Variants in DNASE2B observed in about 807,000 individuals in gnomAD.
The protein encoded by DNASE2B is deoxyribonuclease-2-beta.
Under a neutral mutation model 46.0 loss-of-function variants are expected in DNASE2B, and 43 were observed. The ratio of observed to expected loss-of-function variants is 0.94; its 90% confidence interval spans 0.73 to 1.21. DNASE2B has a LOEUF of 1.21. Ranked by LOEUF, DNASE2B falls within the 50% of genes most tolerant of loss-of-function variation. DNASE2B has a pLI of 0.00. For missense variants in DNASE2B, 395 were observed against 414.4 expected (o/e 0.95, Z 0.41); for synonymous variants, 156 against 152.5 (o/e 1.02, Z -0.17).
intron 2 of DNASE2B, among the ~76,000 whole-genome samples, chr1:84,402,627 T>A (rs376241151): frequency 4.0e-4 from 61 of 152,274 alleles, no homozygotes; most frequent in Non-Finnish European, 7.6e-4. Context: ...CCCTGCTATA[T>A]CTGGACTTTA....
Position 84,412,347 on chromosome 1 carries a change from A to G in DNASE2B, c.548-2A>G. 1 of 1,523,592 alleles carries G rather than the reference A, an allele frequency of 6.6e-7. No homozygotes were observed. Among genetic ancestry groups the G allele is most frequent in the Non-Finnish European group, 8.9e-7 (1 of 1,128,682 alleles). 94.4% of individuals were successfully genotyped at this position (1,523,592 alleles called of 1,614,324 possible). A position where few individuals can be genotyped will look rare whatever the true frequency, so the allele number is the denominator to read the frequency against. On this transcript the variant is annotated splice_acceptor_variant, in intron 4 of 5. Coordinates refer to ENST00000370665, the MANE Select transcript of DNASE2B (RefSeq NM_021233.3). LOFTEE classifies it high-confidence loss of function. ...ACTTTTCTTTACTGTTTCTTGATTC[A>G]GATTCTCAGCTCTTGGTCTGCAACC...
intron 2 of DNASE2B, among the ~76,000 whole-genome samples, chr1:84,407,606 AT>A (rs544631158): frequency 6.6e-6 from 1 of 152,118 alleles, no homozygotes; most frequent in Non-Finnish European, 1.5e-5. Context: ...TGTCACTCAG[AT>A]TTTTTTAATA....
At chr1:84,413,803 C>A (rs367871116) in intron 5 of DNASE2B, among the ~76,000 whole-genome samples, 1 of 152,230 alleles carries the variant, frequency 6.6e-6, no homozygotes, top group African/African-American at 2.4e-5. Flanking sequence ...ATGCCAAACT[C>A]ACTGCGTCAT....
chr1:84,412,635 G>C, intron 5 of DNASE2B, 89 bp downstream of exon 5: 2 of 1,220,010 alleles, frequency 1.6e-6, no homozygotes, highest in East Asian at 5.3e-5. Flanking sequence ...TGAGTATTCA[G>C]AGAAAGAGAG....
Position 84,398,638 on chromosome 1 carries a change from T to C in DNASE2B, c.74T>C (p.Leu25Pro). The change falls in exon 1 of 6, where the codon CTG (leucine) becomes CCG (proline). Residue 25 changes from leucine (L) to proline (P), a missense_variant. By Grantham distance (98) the Leu-to-Pro change is moderately conservative. Coordinates refer to ENST00000370665, the MANE Select transcript of DNASE2B (RefSeq NM_021233.3). ...ALLFLGLFGV[L>P]GAATISCRNE... Reference sequence around the variant, plus strand: ...CTCTTCCTTGGCCTCTTTGGGGTGCTGGGGGCAGCAACAATTTCATGCAGA... The same window carrying C: ...CTCTTCCTTGGCCTCTTTGGGGTGCCGGGGGCAGCAACAATTTCATGCAGA... 6 of 1,613,862 alleles carry C rather than the reference T, an allele frequency of 3.7e-6. No homozygotes were observed. The highest frequency in any genetic ancestry group is 5.1e-6 in the Non-Finnish European group (6 of 1,179,792).
rs763825915 is a variant in DNASE2B at position 84,414,516 on chromosome 1, C to T, written c.746-12C>T. 1 of 1,589,126 alleles carries T rather than the reference C, an allele frequency of 6.3e-7. No individual in the cohort carries two copies. Among genetic ancestry groups the T allele is most frequent in the South Asian group, 1.2e-5 (1 of 85,982 alleles). Reference sequence around the variant, plus strand: ...ATACCAACCTCACTATCTTTCTCCTCCTAAACCCTAGACATCTTTGCAGCC... The same window carrying T: ...ATACCAACCTCACTATCTTTCTCCTTCTAAACCCTAGACATCTTTGCAGCC... On this transcript the variant is annotated splice_polypyrimidine_tract_variant and intron_variant, in intron 5 of 5. Coordinates refer to ENST00000370665, the MANE Select transcript of DNASE2B (RefSeq NM_021233.3).
chr1:84,404,624 T>C (rs1286543376), intron 2 of DNASE2B, among the ~76,000 whole-genome samples: 1 of 152,230 alleles, frequency 6.6e-6, no homozygotes, highest in African/African-American at 2.4e-5. Flanking sequence ...TTGACACCTT[T>C]GGTGTTGAAC....
At chr1:84,412,692 A>G (rs1457484249) in intron 5 of DNASE2B, 146 bp downstream of exon 5, 35 of 811,560 alleles carry the variant, frequency 4.3e-5, no homozygotes, top group Non-Finnish European at 6.1e-5. Context: ...GTCACGGATC[A>G]GTTCAAACAT....
Position 84,402,036 on chromosome 1 carries a change from G to C in DNASE2B, c.261G>C (p.Leu87Phe). 2 of 1,608,810 alleles carry C rather than the reference G, an allele frequency of 1.2e-6. No individual in the cohort carries two copies. The highest frequency in any genetic ancestry group is 4.5e-5 in the East Asian group (2 of 44,628). ...TAATGAATGACACCAAGAGTGTTTT[G>C]GGAAGGACATTACAACAGCTATATG... The part of the protein sequence containing the change: ...EQLMNDTKSV[L>F]GRTLQQLYEA... The change falls in exon 2 of 6, where the codon TTG (leucine) becomes TTC (phenylalanine). Residue 87 changes from leucine (L) to phenylalanine (F), a missense_variant. By Grantham distance (22) the Leu-to-Phe change is conservative (BLOSUM62 0). Transcript: ENST00000370665.
At position 84,414,951 on chromosome 1, in the gene DNASE2B, GCCTGTGAATATACTTATAA is replaced by G. The variant is rs1680669574; in HGVS notation, c.*88_*106del. 1.0e-6 allele frequency: 1 copy of G among 1,002,676 alleles called. No individual in the cohort carries two copies. Among genetic ancestry groups the G allele is most frequent in the South Asian group, 1.7e-5 (1 of 58,654 alleles). The allele number at this position is 1,002,676 out of a possible 1,614,324, so 62.1% of individuals were successfully genotyped here. A position where few individuals can be genotyped will look rare whatever the true frequency, so the allele number is the denominator to read the frequency against. ...ATTACACCTTCTTTATATTTTAAAGGCCTGTGAATATACTTATAACCTGCATATCACAAAATAAAACATT... is the reference window on the plus strand; with the variant it reads ...ATTACACCTTCTTTATATTTTAAAGGCCTGCATATCACAAAATAAAACATT... On this transcript the variant is annotated 3_prime_UTR_variant, in exon 6 of 6. Transcript: ENST00000370665.
chr1:84,400,095 G>A (rs182313709), intron 1 of DNASE2B, among the ~76,000 whole-genome samples: 16 of 152,276 alleles, frequency 1.1e-4, no homozygotes, highest in East Asian at 1.9e-4. Flanking sequence ...TTGGCCAGGC[G>A]TGGTGGCTCA....
intron 4 of DNASE2B, among the ~76,000 whole-genome samples, chr1:84,411,588 A>G (rs989824511): frequency 4.6e-5 from 7 of 152,038 alleles, no homozygotes; most frequent in Admixed American, 2.0e-4. Context: ...GGCCACAAAC[A>G]TGACACCTCT....
At chr1:84,409,244 AC>A (rs1558501893) in intron 3 of DNASE2B, among the ~76,000 whole-genome samples, 2 of 152,156 alleles carry the variant, frequency 1.3e-5, no homozygotes, top group African/African-American at 4.8e-5. Context: ...CTATTTTTCA[AC>A]CTTTTTTCAA....
intron 2 of DNASE2B, among the ~76,000 whole-genome samples, chr1:84,405,026 A>T (rs1680474864): frequency 2.0e-5 from 3 of 152,138 alleles, no homozygotes; most frequent in Non-Finnish European, 1.5e-5. Context: ...TCAGGAAGAA[A>T]TTATTTCCCC....
At chr1:84,413,859 A>G (rs1680644855) in intron 5 of DNASE2B, among the ~76,000 whole-genome samples, 1 of 152,172 alleles carries the variant, frequency 6.6e-6, no homozygotes, top group Non-Finnish European at 1.5e-5. Flanking sequence ...ATAGTTACCC[A>G]GTCACTCCCC....
Position 84,402,007 on chromosome 1 carries a change from C to A in DNASE2B, c.232C>A (p.Gln78Lys). Residue 78 changes from glutamine to lysine, a missense_variant, in exon 2 of 6, where the codon CAA becomes AAA. Physicochemically the swap from Gln to Lys is moderately conservative, Grantham distance 53 (BLOSUM62 1). Coordinates refer to ENST00000370665, the MANE Select transcript of DNASE2B (RefSeq NM_021233.3). ...STTRSWRKSE[Q>K]LMNDTKSVLG... is the part of the protein sequence containing the mutation. ...AACTAGAAGCTGGAGGAAGAGTGAG[C>A]AACTAATGAATGACACCAAGAGTGT... 1 of 1,610,200 alleles carries A rather than the reference C, an allele frequency of 6.2e-7. No individual in the cohort carries two copies. The highest frequency in any genetic ancestry group is 1.3e-5 in the African/African-American group (1 of 74,824).
intron 2 of DNASE2B, 55 bp from the exon 3 acceptor site, chr1:84,408,382 T>C: frequency 6.5e-7 from 1 of 1,548,602 alleles, no homozygotes; most frequent in Admixed American, 1.9e-5. Context: ...AGAAATGTTG[T>C]GGGCGTTTGT....
chr1:84,398,541 G>C lies in DNASE2B; in HGVS notation c.-24G>C, dbSNP rs1680345142. On this transcript the variant is annotated 5_prime_UTR_variant, in exon 1 of 6. Coordinates refer to ENST00000370665, the MANE Select transcript of DNASE2B (RefSeq NM_021233.3). ...TCAGACTCCACAATCTATGGGGAAAGTGTCCTGCTGTGGCATGAAATAAAT... is the reference window on the plus strand; with the variant it reads ...TCAGACTCCACAATCTATGGGGAAACTGTCCTGCTGTGGCATGAAATAAAT... The C allele has an allele frequency of 1.4e-5, 23 of 1,612,852 alleles. No individual in the cohort carries two copies. The highest frequency in any genetic ancestry group is 2.0e-5 in the Non-Finnish European group (23 of 1,179,288).
At chr1:84,411,469 T>A (rs1335186996) in intron 4 of DNASE2B, among the ~76,000 whole-genome samples, 63 of 44,634 alleles carry the variant, frequency 1.4e-3, no homozygotes, top group African/African-American at 4.8e-3. Context: ...TGTGTGTGTG[T>A]GTGTGTGTGT....
Sources: gnomAD v4.1 joint callset for allele counts (sites outside exome capture counted in the v4.1 genomes callset) on GRCh38, gnomAD v4.1.1 for gene constraint, MANE v1.5 for transcripts, NCBI Gene and HGNC (gene_info 2026-07-23, HGNC 2026-07-21) for gene names.